Variants in ZFHX3 observed in about 807,000 individuals in gnomAD.
The protein encoded by ZFHX3 is zinc finger homeobox 3, also known as zinc finger homeobox protein 3.
ZFHX3 carries 42 observed loss-of-function variants against 279.1 expected under a neutral mutation model. That is an observed-to-expected ratio of 0.15 (90% CI 0.12 to 0.19). ZFHX3 has a LOEUF of 0.19. Ranked by LOEUF, ZFHX3 falls within the 10% of genes least tolerant of loss-of-function variation. The pLI is 1.00. For synonymous variants in ZFHX3, 2,293 were observed against 1,957.8 expected (o/e 1.17, Z -4.52); for missense variants, 4,981 against 4,754.0 (o/e 1.05, Z -1.40).
intron 3 of ZFHX3, among the ~76,000 whole-genome samples, chr16:73,325,923 AC>A (rs1208143295): frequency 1.1e-4 from 14 of 132,536 alleles, no homozygotes; most frequent in African/African-American, 4.2e-4. Context: ...ACACACACAC[AC>A]ACAAACACAC....
chr16:73,716,160 T>C (rs906457148), intron 1 of ZFHX3, among the ~76,000 whole-genome samples: 2 of 152,126 alleles, frequency 1.3e-5, no homozygotes, highest in Non-Finnish European at 2.9e-5. Flanking sequence ...ATTATGGAAA[T>C]GACTTCCATT....
chr16:73,228,521 G>A (rs2012673942), intron 5 of ZFHX3, among the ~76,000 whole-genome samples: 1 of 152,138 alleles, frequency 6.6e-6, no homozygotes, highest in Non-Finnish European at 1.5e-5. Context: ...AAATTAACCA[G>A]GTGTAGTGAC....
At chr16:73,588,113 G>A (rs557177472) in intron 2 of ZFHX3, among the ~76,000 whole-genome samples, 32 of 152,196 alleles carry the variant, frequency 2.1e-4, no homozygotes, top group Non-Finnish European at 3.2e-4. Context: ...TAGGGAAACC[G>A]CTATGAATTA....
chr16:73,435,411 T>A (rs907123094), intron 3 of ZFHX3, among the ~76,000 whole-genome samples: 11 of 152,130 alleles, frequency 7.2e-5, no homozygotes, highest in African/African-American at 2.7e-4. Context: ...GATTTTGCCA[T>A]GTTGGGCAGG....
Position 73,837,597 on chromosome 16 carries a change from A to G in ZFHX3, c.-1608+54054T>C, listed in dbSNP as rs931937948. 5.9e-5 allele frequency among the ~76,000 whole-genome samples: 9 copies of G among 152,116 alleles called. No homozygotes were observed. In the East Asian group the frequency reaches 1.5e-3, roughly 26 times the overall value. On this transcript the variant is annotated intron_variant, in intron 1 of 17. Transcript: ENST00000641206. ...AGCACACACACACTGGCTGAATTAT[A>G]TTTCTATTTCCACATTGCTGCTATT...
chr16:73,224,717 A>G lies in ZFHX3; in HGVS notation c.-1104+32330T>C, dbSNP rs867036618. 7.2e-5 allele frequency among the ~76,000 whole-genome samples: 11 copies of G among 152,338 alleles called. No individual in the cohort carries two copies. In the South Asian group the frequency reaches 1.7e-3, roughly 23 times the overall value. On this transcript the variant is annotated intron_variant, in intron 5 of 17. Transcript: ENST00000641206. ...TCTATTAGGTGTCTTTTTCAAACAC[A>G]GGCTCATGTATGGAAACCTGAATGT...
chr16:73,138,011 C>A (rs1966822558), intron 6 of ZFHX3, among the ~76,000 whole-genome samples: 1 of 152,114 alleles, frequency 6.6e-6, no homozygotes, highest in African/African-American at 2.4e-5. Flanking sequence ...CTAATGATTT[C>A]TTGACAACTT....
At chr16:73,308,533 TCACCAGA>T (rs1204619803) in intron 4 of ZFHX3, among the ~76,000 whole-genome samples, 9 of 151,802 alleles carry the variant, frequency 5.9e-5, no homozygotes, top group African/African-American at 1.9e-4. Flanking sequence ...AGGTGGGAGT[TCACCAGA>T]TGGTGATCCA....
Position 72,804,370 on chromosome 16 carries a change from C to T in ZFHX3, c.3865-4241G>A, listed in dbSNP as rs144498304. On this transcript the variant is annotated intron_variant, in intron 7 of 9. Coordinates refer to ENST00000268489, the MANE Select transcript of ZFHX3 (RefSeq NM_006885.4). ...AGGCTTATGATGCAGAATAAATAACCCTTTAGAGGTCACAAAAGCCTTAGA... is the reference window on the plus strand; with the variant it reads ...AGGCTTATGATGCAGAATAAATAACTCTTTAGAGGTCACAAAAGCCTTAGA... Among the ~76,000 whole-genome samples the T allele has an allele frequency of 2.3e-4, 35 of 152,210 alleles. 1 individual carries two copies. In the East Asian group the frequency reaches 6.8e-3, roughly 29 times the overall value.
intron 5 of ZFHX3, among the ~76,000 whole-genome samples, chr16:73,159,724 C>A (rs1332092476): frequency 6.6e-6 from 1 of 152,060 alleles, no homozygotes; most frequent in African/African-American, 2.4e-5. Flanking sequence ...AAGCCATAAC[C>A]AAAGTTGTTA....
chr16:73,291,821 G>T (rs1213897716), intron 4 of ZFHX3, among the ~76,000 whole-genome samples: 1 of 152,172 alleles, frequency 6.6e-6, no homozygotes, highest in African/African-American at 2.4e-5. Context: ...AACTGCCAAG[G>T]TTAATAGGGC....
At chr16:72,973,255 C>T (rs1962187462) in intron 1 of ZFHX3, 1 of 152,246 alleles carries the variant, frequency 6.6e-6, no homozygotes, top group Non-Finnish European at 1.5e-5. Context: ...TTGCAGAAAA[C>T]AGAAAGGAAA....
rs565816654 is a variant in ZFHX3 at position 73,609,401 on chromosome 16, A to C, written c.-1547+70779T>G. The C allele has an allele frequency of 7.9e-5, 12 of 152,346 alleles. No homozygotes were observed. The South Asian group carries it at 8.3e-4, about 11-fold the overall frequency. The allele number at this position is 152,346 out of a possible 1,614,324, so 9.4% of individuals were successfully genotyped here. On this transcript the variant is annotated intron_variant, in intron 2 of 17. Transcript: ENST00000641206. ...TCCATTTCAAAAAAATAAAGGGATC[A>C]ATTTAAAGCCCTTCACTACTGCCCC...
At chr16:73,543,986 G>A (rs1430064727) in intron 2 of ZFHX3, 1 of 152,304 alleles carries the variant, frequency 6.6e-6, no homozygotes, top group Admixed American at 6.5e-5. Context: ...AGCGAAAAAG[G>A]AGGGTCCCCG....
chr16:73,457,341 C>A (rs926031094), intron 2 of ZFHX3, among the ~76,000 whole-genome samples: 1 of 152,208 alleles, frequency 6.6e-6, no homozygotes, highest in South Asian at 2.1e-4. Flanking sequence ...TTTCCCCCAT[C>A]GGTGGCAGCC....
At chr16:73,563,155 GTTTT>G (rs201383141) in intron 2 of ZFHX3, among the ~76,000 whole-genome samples, 2 of 136,580 alleles carry the variant, frequency 1.5e-5, no homozygotes, top group African/African-American at 2.8e-5. Context: ...GTCTTTTTTT[GTTTT>G]TTTTGTTTTG....
intron 2 of ZFHX3, among the ~76,000 whole-genome samples, chr16:73,672,495 G>A (rs2052913605): frequency 6.6e-6 from 1 of 151,980 alleles, no homozygotes; most frequent in African/African-American, 2.4e-5. Context: ...AGCATTTTTG[G>A]GCCTTATATT....
Position 73,723,410 on chromosome 16 carries a change from T to C in ZFHX3, c.-1607-43170A>G, listed in dbSNP as rs766725536. Among the ~76,000 whole-genome samples, 55 of 152,218 alleles carry C rather than the reference T, an allele frequency of 3.6e-4. 1 individual carries two copies. The highest frequency in any genetic ancestry group is 4.0e-4 in the Non-Finnish European group (27 of 68,036). ...GAATGTATGAACATAAACATTAAGT[T>C]ATGCCATAAAATTTAATGCTGCTCT... is the stretch of plus-strand genomic sequence containing the variant. On this transcript the variant is annotated intron_variant, in intron 1 of 17. Transcript: ENST00000641206.
intron 8 of ZFHX3, among the ~76,000 whole-genome samples, chr16:73,072,879 T>C (rs1241813713): frequency 3.3e-5 from 5 of 151,770 alleles, no homozygotes; most frequent in Non-Finnish European, 7.4e-5. Flanking sequence ...CATTCCTATT[T>C]CTTTCTTTCT....
Sources: allele counts gnomAD v4.1 joint callset (sites outside exome capture counted in the v4.1 genomes callset), GRCh38; gene constraint gnomAD v4.1.1; transcripts MANE v1.5; gene names NCBI Gene and HGNC (gene_info 2026-07-23, HGNC 2026-07-21).